CDH13: variants seen among roughly 807,000 people sequenced by gnomAD.
CDH13 encodes the protein cadherin 13.
CDH13 carries 24 observed loss-of-function variants against 63.8 expected under a neutral mutation model. That is an observed-to-expected ratio of 0.38 (90% confidence interval 0.27 to 0.53). The LOEUF (loss-of-function observed/expected upper bound fraction) is 0.53, where lower values mean the gene tolerates loss of function less well. Ranked by LOEUF, CDH13 falls within the 20% of genes least tolerant of loss-of-function variation. The pLI, the probability that CDH13 is intolerant of heterozygous loss-of-function variation, is 0.85. For missense variants in CDH13, 1,049 were observed against 903.1 expected (o/e 1.16, Z -2.07); for synonymous variants, 503 against 355.3 (o/e 1.42, Z -4.67).
chr16:83,460,414 C>T (rs1217529579), intron 6 of CDH13, among the ~76,000 whole-genome samples: 2 of 152,154 alleles, frequency 1.3e-5, no homozygotes, highest in Non-Finnish European at 2.9e-5. Context: ...CCCCTGGGCA[C>T]AGAGACAAGA....
intron 2 of CDH13, among the ~76,000 whole-genome samples, chr16:82,869,774 C>G (rs1193816678): frequency 6.6e-6 from 1 of 152,074 alleles, no homozygotes; most frequent in South Asian, 2.1e-4. Context: ...ACTGGATATC[C>G]ATATGCAGAA....
At chr16:83,494,450 A>G (rs1320881825) in intron 7 of CDH13, among the ~76,000 whole-genome samples, 2 of 152,236 alleles carry the variant, frequency 1.3e-5, no homozygotes, top group African/African-American at 4.8e-5. Flanking sequence ...TGAAAGAGGT[A>G]CCTTCTAATT....
At chr16:83,220,756 G>A (rs11647463) in intron 5 of CDH13, among the ~76,000 whole-genome samples, 111,547 of 151,584 alleles carry the variant, frequency 0.74, 42,029 homozygotes, top group East Asian at 0.95. Context: ...GTTAAGTGCT[G>A]CTCACATGCA....
chr16:83,673,690 A>G (rs1914710721), intron 9 of CDH13, among the ~76,000 whole-genome samples: 2 of 152,238 alleles, frequency 1.3e-5, no homozygotes, highest in African/African-American at 4.8e-5. Flanking sequence ...GCTAGCATAT[A>G]TAAGAATCAT....
chr16:82,761,765 A>G lies in CDH13; in HGVS notation c.46-96597A>G, dbSNP rs146287871. Among the ~76,000 whole-genome samples the G allele has an allele frequency of 2.0e-3, 309 of 152,368 alleles. 1 individual carries two copies. Among genetic ancestry groups the G allele is most frequent in the African/African-American group, 5.3e-3 (219 of 41,592 alleles). Reference sequence around the variant, plus strand: ...AGAATTTGACATATTTTTGAGGGCTAAGAGTGAGAATGATTCAAAGCTGTG... The same window carrying G: ...AGAATTTGACATATTTTTGAGGGCTGAGAGTGAGAATGATTCAAAGCTGTG... On this transcript the variant is annotated intron_variant, in intron 1 of 13. Transcript: ENST00000567109.
intron 11 of CDH13, among the ~76,000 whole-genome samples, chr16:83,753,146 C>T (rs761603719): frequency 2.0e-5 from 3 of 152,144 alleles, no homozygotes; most frequent in African/African-American, 7.2e-5. Context: ...TTAAAAAGCC[C>T]TTATAAATCA....
intron 2 of CDH13, among the ~76,000 whole-genome samples, chr16:82,988,808 G>A (rs1011943684): frequency 1.3e-4 from 19 of 151,736 alleles, no homozygotes; most frequent in Non-Finnish European, 2.2e-4. Flanking sequence ...ATTCAGGACC[G>A]GGACTGGATG....
intron 2 of CDH13, among the ~76,000 whole-genome samples, chr16:83,009,715 G>A (rs1019730735): frequency 2.0e-5 from 3 of 152,196 alleles, no homozygotes; most frequent in Non-Finnish European, 4.4e-5. Flanking sequence ...TAAACCCACT[G>A]AGTCATGTAG....
chr16:83,443,242 G>A (rs1445584014), intron 6 of CDH13, among the ~76,000 whole-genome samples: 1 of 152,110 alleles, frequency 6.6e-6, no homozygotes, highest in East Asian at 1.9e-4. Context: ...TTCTAGCTGC[G>A]TTTTTGCTGC....
intron 7 of CDH13, among the ~76,000 whole-genome samples, chr16:83,586,752 C>G (rs1906197860): frequency 6.6e-6 from 1 of 152,194 alleles, no homozygotes; most frequent in Middle Eastern, 3.4e-3. Context: ...GCTGACTGTA[C>G]CAGGCATAAA....
intron 1 of CDH13, among the ~76,000 whole-genome samples, chr16:82,779,387 G>A (rs1025675805): frequency 6.6e-6 from 1 of 152,182 alleles, no homozygotes; most frequent in African/African-American, 2.4e-5. Flanking sequence ...GAGAATTTCT[G>A]TGCAGGTCCA....
chr16:83,447,811 G>T (rs184369194), intron 6 of CDH13, among the ~76,000 whole-genome samples: 6 of 149,112 alleles, frequency 4.0e-5, no homozygotes, highest in African/African-American at 1.5e-4. Flanking sequence ...ATTAAATATC[G>T]ACTGTTTGCC....
intron 5 of CDH13, among the ~76,000 whole-genome samples, chr16:83,302,891 C>A (rs1567576366): frequency 6.6e-6 from 1 of 152,154 alleles, no homozygotes; most frequent in Non-Finnish European, 1.5e-5. Flanking sequence ...TAAATTTCAT[C>A]AAACTGGGAG....
At chr16:83,090,708 C>T (rs572520895) in intron 3 of CDH13, among the ~76,000 whole-genome samples, 10 of 152,044 alleles carry the variant, frequency 6.6e-5, no homozygotes, top group Admixed American at 3.3e-4. Context: ...CTGTCTGCTC[C>T]GACTGCACGA....
intron 5 of CDH13, among the ~76,000 whole-genome samples, chr16:83,262,984 A>G (rs1338552039): frequency 6.6e-6 from 1 of 152,214 alleles, no homozygotes; most frequent in Non-Finnish European, 1.5e-5. Flanking sequence ...TAAATGACTG[A>G]TAGGAAATGG....
chr16:82,675,132 G>T (rs938078398), intron 1 of CDH13, among the ~76,000 whole-genome samples: 1 of 152,052 alleles, frequency 6.6e-6, no homozygotes, highest in Non-Finnish European at 1.5e-5. Context: ...CTTAAAAATC[G>T]TATTGGATAA....
chr16:83,696,510 T>G (rs1435543506), intron 10 of CDH13, among the ~76,000 whole-genome samples: 1 of 152,010 alleles, frequency 6.6e-6, no homozygotes, highest in Non-Finnish European at 1.5e-5. Flanking sequence ...CACCAGGGAG[T>G]TCACTGGGAG....
chr16:83,530,236 C>T (rs2075054180), intron 7 of CDH13, among the ~76,000 whole-genome samples: 1 of 152,168 alleles, frequency 6.6e-6, no homozygotes, highest in African/African-American at 2.4e-5. Flanking sequence ...GTCAGTGAAG[C>T]TCTCAGTTGA....
chr16:83,104,510 A>C (rs192230327), intron 3 of CDH13, among the ~76,000 whole-genome samples: 1 of 151,832 alleles, frequency 6.6e-6, no homozygotes, highest in African/African-American at 2.4e-5. Flanking sequence ...TTGTTTAAGT[A>C]GGTTAAGGCA....
Sources: gnomAD v4.1 joint callset for allele counts (sites outside exome capture counted in the v4.1 genomes callset) on GRCh38, gnomAD v4.1.1 for gene constraint, MANE v1.5 for transcripts, NCBI Gene and HGNC (gene_info 2026-07-23, HGNC 2026-07-21) for gene names.